Variants in LIPA observed in about 807,000 individuals in gnomAD.
LIPA encodes lipase A, lysosomal acid type.
A neutral mutation model predicts 40.6 loss-of-function variants in LIPA; 26 were observed. The observed-to-expected ratio is 0.64, with a 90% CI of 0.47 to 0.89. The LOEUF is 0.89. Ranked by LOEUF, LIPA falls within the 40% of genes least tolerant of loss-of-function variation. LIPA has a pLI of 0.00. For missense variants in LIPA, 455 were observed against 479.6 expected (o/e 0.95, Z 0.48); for synonymous variants, 188 against 168.4 (o/e 1.12, Z -0.90).
At chr10:89,326,827 A>C (rs1843604008) in intron 1 of LIPA, among the ~76,000 whole-genome samples, 1 of 152,250 alleles carries the variant, frequency 6.6e-6, no homozygotes, top group South Asian at 2.1e-4. Context: ...AAACTCTGTA[A>C]AACATTTGAA....
At chr10:89,413,112 T>C (rs1487052339) in intron 1 of LIPA, among the ~76,000 whole-genome samples, 1 of 152,202 alleles carries the variant, frequency 6.6e-6, no homozygotes, top group South Asian at 2.1e-4. Flanking sequence ...CAGTGTTTGG[T>C]TTCTGTTCCT....
chr10:89,337,871 C>T (rs1843769907), intron 1 of LIPA, among the ~76,000 whole-genome samples: 1 of 152,198 alleles, frequency 6.6e-6, no homozygotes, highest in South Asian at 2.1e-4. Context: ...AAGCAACTTA[C>T]AATTTTTCCA....
At chr10:89,340,004 C>T (rs749497950) in intron 1 of LIPA, 3 of 1,614,180 alleles carry the variant, frequency 1.9e-6, no homozygotes, top group African/African-American at 1.3e-5. Context: ...AGGGATGCCC[C>T]TTCAGGCATA....
upstream of LIPA, chr10:89,414,565 T>G (rs1282883265): frequency 8.8e-6 from 4 of 456,138 alleles, no homozygotes; most frequent in Non-Finnish European, 1.2e-5. Flanking sequence ...TTTCTTAAGT[T>G]TCAGTTTCTG....
At chr10:89,292,924 C>T (rs577363733) in intron 1 of LIPA, among the ~76,000 whole-genome samples, 1,595 of 152,048 alleles carry the variant, frequency 0.01, 21 homozygotes, top group African/African-American at 0.032. Flanking sequence ...GCTGAGATTA[C>T]AGACATGAGC....
intron 1 of LIPA, among the ~76,000 whole-genome samples, chr10:89,334,773 G>A (rs1036204656): frequency 2.6e-5 from 4 of 151,434 alleles, no homozygotes; most frequent in African/African-American, 7.3e-5. Flanking sequence ...TTACAGGTGT[G>A]AGCCACCGCG....
chr10:89,297,959 G>A (rs1364289015), intron 1 of LIPA, among the ~76,000 whole-genome samples: 1 of 152,234 alleles, frequency 6.6e-6, no homozygotes, highest in Non-Finnish European at 1.5e-5. Context: ...TCCTCTCTCT[G>A]CACAGTGCTG....
intron 5 of LIPA, 93 bp downstream of exon 5, chr10:89,226,802 G>T: frequency 1.3e-6 from 1 of 765,894 alleles, no homozygotes; most frequent in South Asian, 1.5e-5. Context: ...AATGGAATTT[G>T]AACTAACATC....
At chr10:89,286,939 T>C (rs1843344087) in intron 1 of LIPA, among the ~76,000 whole-genome samples, 1 of 152,234 alleles carries the variant, frequency 6.6e-6, no homozygotes, top group African/African-American at 2.4e-5. Context: ...CAAGCATTCC[T>C]AGAGGACCTT....
At chr10:89,331,455 G>C (rs7085361) in intron 1 of LIPA, among the ~76,000 whole-genome samples, 37,700 of 151,984 alleles carry the variant, frequency 0.25, 4,955 homozygotes, top group African/African-American at 0.32. Context: ...TTACAGGCGT[G>C]AGCCTCCGTG....
At chr10:89,338,751 G>C in intron 1 of LIPA, 1 of 1,613,950 alleles carries the variant, frequency 6.2e-7, no homozygotes, top group Non-Finnish European at 8.5e-7. Flanking sequence ...GTGTCTCAAG[G>C]GATCTAGAAG....
chr10:89,302,644 C>T (rs1237545259), intron 1 of LIPA, among the ~76,000 whole-genome samples: 2 of 152,176 alleles, frequency 1.3e-5, no homozygotes, highest in Non-Finnish European at 2.9e-5. Context: ...CTCAGATTTG[C>T]ACAAGGGCTG....
intron 1 of LIPA, among the ~76,000 whole-genome samples, chr10:89,413,208 G>C (rs562009737): frequency 5.9e-5 from 9 of 152,162 alleles, no homozygotes; most frequent in African/African-American, 1.9e-4. Context: ...AAGCAGATTC[G>C]TATACCTAAG....
intron 2 of LIPA, chr10:89,392,480 C>T (rs897116276): frequency 2.5e-5 from 6 of 242,756 alleles, no homozygotes; most frequent in African/African-American, 4.8e-5. Context: ...CACCCCCCCC[C>T]GTCAGCAGGA....
At chr10:89,400,416 C>T (rs532859345) in intron 2 of LIPA, among the ~76,000 whole-genome samples, 8 of 152,216 alleles carry the variant, frequency 5.3e-5, no homozygotes, top group African/African-American at 1.7e-4. Context: ...CAAAGGATGT[C>T]CTTCCATTTA....
chr10:89,223,478 A>G (rs1295864131), intron 7 of LIPA, among the ~76,000 whole-genome samples: 1 of 152,212 alleles, frequency 6.6e-6, no homozygotes, highest in East Asian at 1.9e-4. Flanking sequence ...TAGGTACAAC[A>G]TAAGAAGGTG....
At chr10:89,393,670 C>T (rs1238099297) in intron 2 of LIPA, among the ~76,000 whole-genome samples, 1 of 152,200 alleles carries the variant, frequency 6.6e-6, no homozygotes, top group African/African-American at 2.4e-5. Context: ...GCGTAAGTTG[C>T]AGTGAGCTGA....
chr10:89,227,052 G>C, intron 4 of LIPA, 48 bp from the exon 5 acceptor site: 1 of 1,128,458 alleles, frequency 8.9e-7, no homozygotes, highest in East Asian at 2.3e-5. Context: ...ACATAAAATA[G>C]AGCACACACA....
chr10:89,246,793 A>C (rs1354790152), intron 2 of LIPA, among the ~76,000 whole-genome samples: 3 of 152,120 alleles, frequency 2.0e-5, no homozygotes, highest in Non-Finnish European at 4.4e-5. Flanking sequence ...TTCTAACAAA[A>C]TTTAGCTCAG....
Sources: allele counts gnomAD v4.1 joint callset (sites outside exome capture counted in the v4.1 genomes callset), GRCh38; gene constraint gnomAD v4.1.1; transcripts MANE v1.5; gene names NCBI Gene and HGNC (gene_info 2026-07-23, HGNC 2026-07-21).